Variants in RBFOX1 observed in about 807,000 individuals in gnomAD.
RBFOX1 encodes the protein RNA binding fox-1 homolog 1, also known as RNA binding protein fox-1 homolog 1.
In RBFOX1, 8 loss-of-function variants were observed where a neutral mutation model predicts 57.7. The ratio of observed to expected loss-of-function variants is 0.14; its 90% confidence interval spans 0.08 to 0.25. The LOEUF (loss-of-function observed/expected upper bound fraction) is 0.25. RBFOX1 is among the 10% of genes least tolerant of loss of function. The pLI, the probability that RBFOX1 is intolerant of heterozygous loss-of-function variation, is 1.00. For synonymous variants in RBFOX1, 326 were observed against 222.4 expected (o/e 1.47, Z -4.15); for missense variants, 611 against 548.5 (o/e 1.11, Z -1.14).
chr16:5,871,830 C>G (rs138376003), intron 4 of RBFOX1, among the ~76,000 whole-genome samples: 223 of 152,286 alleles, frequency 1.5e-3, no homozygotes, highest in African/African-American at 5.1e-3. Context: ...AGTGGAGGGC[C>G]TCAATTTTGA....
chr16:6,627,456 A>G (rs955758875), intron 2 of RBFOX1, among the ~76,000 whole-genome samples: 3 of 152,152 alleles, frequency 2.0e-5, no homozygotes, highest in African/African-American at 4.8e-5. Context: ...AAAAGTCTCT[A>G]TGATGTTGAT....
chr16:6,966,200 C>A (rs895129176), intron 3 of RBFOX1, among the ~76,000 whole-genome samples: 3 of 152,102 alleles, frequency 2.0e-5, no homozygotes, highest in African/African-American at 7.2e-5. Context: ...GAGCCAGCTG[C>A]CTTCCCCTCT....
intron 1 of RBFOX1, among the ~76,000 whole-genome samples, chr16:6,161,450 C>G (rs915159642): frequency 1.3e-5 from 2 of 152,036 alleles, no homozygotes; most frequent in African/African-American, 4.8e-5. Context: ...TCTCTCCATC[C>G]CATTGGCTGG....
At chr16:7,622,447 G>C (rs2059452684) in intron 10 of RBFOX1, among the ~76,000 whole-genome samples, 1 of 152,176 alleles carries the variant, frequency 6.6e-6, no homozygotes. Flanking sequence ...GCCACTATTA[G>C]CCTACATTTT....
At chr16:5,373,423 C>T (rs1021414550) in intron 1 of RBFOX1, among the ~76,000 whole-genome samples, 6 of 152,010 alleles carry the variant, frequency 3.9e-5, no homozygotes, top group African/African-American at 1.5e-4. Context: ...TGAGTGAGTT[C>T]CCACATCTGG....
intron 1 of RBFOX1, among the ~76,000 whole-genome samples, chr16:6,173,045 G>T (rs1338024764): frequency 2.0e-5 from 3 of 152,172 alleles, no homozygotes; most frequent in African/African-American, 7.2e-5. Flanking sequence ...GTAACAGCAA[G>T]AAAAGGTTCT....
intron 3 of RBFOX1, among the ~76,000 whole-genome samples, chr16:6,909,488 G>T (rs6500870): frequency 6.6e-6 from 1 of 152,012 alleles, no homozygotes; most frequent in African/African-American, 2.4e-5. Flanking sequence ...TTTGGCATGA[G>T]ACAAGATTCT....
rs118106748 is a variant in RBFOX1 at position 7,032,720 on chromosome 16, C to T, written c.-15-19337C>T. ...GTTCATTTTCAGGTAGTTTTATCCTCGAATTTCACTTGTTATTTTGTTGTC... is the reference window on the plus strand; with the variant it reads ...GTTCATTTTCAGGTAGTTTTATCCTTGAATTTCACTTGTTATTTTGTTGTC... On this transcript the variant is annotated intron_variant, in intron 3 of 15. Coordinates refer to ENST00000550418, the MANE Select transcript of RBFOX1 (RefSeq NM_018723.4). Among the ~76,000 whole-genome samples, 5 of 152,058 alleles carry T rather than the reference C, an allele frequency of 3.3e-5. No homozygotes were observed. In the East Asian group the frequency reaches 7.8e-4, roughly 24 times the overall value.
chr16:5,302,779 A>G (rs2063836295), intron 1 of RBFOX1, among the ~76,000 whole-genome samples: 1 of 152,212 alleles, frequency 6.6e-6, no homozygotes, highest in East Asian at 1.9e-4. Flanking sequence ...ATGGTATCTA[A>G]AAAGTGTTTC....
At chr16:6,945,430 T>G (rs2079311375) in intron 3 of RBFOX1, among the ~76,000 whole-genome samples, 1 of 152,040 alleles carries the variant, frequency 6.6e-6, no homozygotes, top group Non-Finnish European at 1.5e-5. Context: ...GATCCAATGG[T>G]GCCAGATTTT....
At chr16:6,130,629 G>C (rs2096623007) in intron 1 of RBFOX1, among the ~76,000 whole-genome samples, 1 of 152,062 alleles carries the variant, frequency 6.6e-6, no homozygotes, top group African/African-American at 2.4e-5. Context: ...CTGACTACAA[G>C]AGACTCGTCT....
chr16:5,925,475 A>T (rs2058921467), intron 4 of RBFOX1, among the ~76,000 whole-genome samples: 1 of 152,216 alleles, frequency 6.6e-6, no homozygotes, highest in Non-Finnish European at 1.5e-5. Context: ...AACAGAAAGT[A>T]GATTAATGGT....
chr16:5,475,227 C>T (rs1339317133), intron 2 of RBFOX1, among the ~76,000 whole-genome samples: 1 of 152,176 alleles, frequency 6.6e-6, no homozygotes, highest in African/African-American at 2.4e-5. Context: ...TTTCTTGCTG[C>T]TTCATTTGTT....
intron 5 of RBFOX1, among the ~76,000 whole-genome samples, chr16:7,547,844 A>G (rs1262548628): frequency 6.6e-6 from 1 of 152,188 alleles, no homozygotes; most frequent in Non-Finnish European, 1.5e-5. Context: ...GGTTGTGTGT[A>G]TTTAACAGCA....
At chr16:6,606,016 G>C (rs2097920266) in intron 2 of RBFOX1, among the ~76,000 whole-genome samples, 1 of 152,096 alleles carries the variant, frequency 6.6e-6, no homozygotes, top group African/African-American at 2.4e-5. Flanking sequence ...GACTGAGGCA[G>C]GAGGATCACT....
intron 3 of RBFOX1, among the ~76,000 whole-genome samples, chr16:6,978,526 T>G (rs1469735785): frequency 6.6e-6 from 1 of 152,166 alleles, no homozygotes; most frequent in Non-Finnish European, 1.5e-5. Flanking sequence ...AAGCTGAGGT[T>G]CATAGAAGTT....
chr16:7,527,344 C>T (rs557689601), intron 5 of RBFOX1, among the ~76,000 whole-genome samples: 1 of 151,990 alleles, frequency 6.6e-6, no homozygotes, highest in South Asian at 2.1e-4. Context: ...TTTTAAAGAC[C>T]CTGGTCATCA....
intron 4 of RBFOX1, among the ~76,000 whole-genome samples, chr16:7,305,517 T>C (rs1003318266): frequency 6.6e-6 from 1 of 152,194 alleles, no homozygotes; most frequent in Admixed American, 6.5e-5. Flanking sequence ...ACTCATTTTA[T>C]CTGTTTTTCC....
chr16:7,308,278 T>A (rs1555692591), intron 4 of RBFOX1, among the ~76,000 whole-genome samples: 1 of 143,030 alleles, frequency 7.0e-6, no homozygotes, highest in Non-Finnish European at 1.5e-5. Flanking sequence ...AAACTGCGTG[T>A]CAGATTCCAC....
Sources: gnomAD v4.1 joint callset for allele counts (sites outside exome capture counted in the v4.1 genomes callset) on GRCh38, gnomAD v4.1.1 for gene constraint, MANE v1.5 for transcripts, NCBI Gene and HGNC (gene_info 2026-07-23, HGNC 2026-07-21) for gene names.